DNAH8: variants seen among roughly 807,000 people sequenced by gnomAD.
The protein encoded by DNAH8 is dynein axonemal heavy chain 8.
DNAH8 carries 382 observed loss-of-function variants against 562.1 expected under a neutral mutation model. The ratio of observed to expected loss-of-function variants is 0.68; its 90% confidence interval spans 0.63 to 0.74. The LOEUF (loss-of-function observed/expected upper bound fraction) is 0.74. Ranked by LOEUF, DNAH8 falls within the 30% of genes least tolerant of loss-of-function variation. The pLI is 0.00. For missense variants in DNAH8, 5,203 were observed against 5,620.4 expected (o/e 0.93, Z 2.37); for synonymous variants, 1,881 against 1,919.4 (o/e 0.98, Z 0.52).
rs766087992 is a variant in DNAH8 at position 38,953,113 on chromosome 6, C to T, written c.12451+1593C>T. The T allele has an allele frequency of 2.6e-5, 4 of 152,308 alleles. No individual in the cohort carries two copies. The East Asian group carries it at 7.7e-4, about 29-fold the overall frequency. The allele number at this position is 152,308 out of a possible 1,614,324, so 9.4% of individuals were successfully genotyped here. A position where few individuals can be genotyped will look rare whatever the true frequency, so the allele number is the denominator to read the frequency against. On this transcript the variant is annotated intron_variant, in intron 82 of 92. Coordinates refer to ENST00000327475, the MANE Select transcript of DNAH8 (RefSeq NM_001206927.2). Reference sequence around the variant, plus strand: ...TCATGGGCTTCACTGCTTACGTGCTCAGAATGTTCAGCACCCTCAGGGAAA... The same window carrying T: ...TCATGGGCTTCACTGCTTACGTGCTTAGAATGTTCAGCACCCTCAGGGAAA...
chr6:38,786,107 A>G (rs1769135401), intron 17 of DNAH8, among the ~76,000 whole-genome samples: 1 of 152,256 alleles, frequency 6.6e-6, no homozygotes, highest in African/African-American at 2.4e-5. Flanking sequence ...TAAGCTAACA[A>G]ATAATCTAAG....
intron 86 of DNAH8, among the ~76,000 whole-genome samples, chr6:38,983,341 G>A (rs538646180): frequency 3.3e-5 from 5 of 152,268 alleles, no homozygotes; most frequent in East Asian, 1.9e-4. Flanking sequence ...TGAAGCTTCC[G>A]TAATGGGGTG....
chr6:38,965,534 A>C (rs1762913370), intron 82 of DNAH8, among the ~76,000 whole-genome samples: 1 of 152,256 alleles, frequency 6.6e-6, no homozygotes, highest in Non-Finnish European at 1.5e-5. Flanking sequence ...AATCCAAAAA[A>C]ATAAGAAAAA....
chr6:38,938,986 A>C lies in DNAH8; in HGVS notation c.12005A>C (p.Lys4002Thr). The C allele has an allele frequency of 6.2e-7, 1 of 1,612,516 alleles. No homozygotes were observed. The highest frequency in any genetic ancestry group is 2.2e-5 in the East Asian group (1 of 44,846). The change falls in exon 79 of 93, where the codon AAA becomes ACA. Residue 4002 changes from lysine to threonine, a missense_variant and splice_region_variant. Physicochemically the swap from Lys to Thr is moderately conservative, Grantham distance 78 (BLOSUM62 -1). Around this residue, in one of 6 missense-constraint regions of DNAH8, gnomAD observed 1,399 missense variants for 1,518.4 expected, o/e 0.92. Coordinates refer to ENST00000327475, the MANE Select transcript of DNAH8 (RefSeq NM_001206927.2). ...VKHREFQALI[K>T]GGAALDLKAC... is the part of the protein sequence containing the mutation. ...CACAGAGAGTTTCAAGCTCTCATTAAAGGTAAAGTGTGTGGGATACAGATG... is the reference window on the plus strand; with the variant it reads ...CACAGAGAGTTTCAAGCTCTCATTACAGGTAAAGTGTGTGGGATACAGATG...
chr6:39,019,096 C>T (rs2281347), intron 91 of DNAH8, among the ~76,000 whole-genome samples: 21,544 of 151,902 alleles, frequency 0.14, 1,679 homozygotes, highest in African/African-American at 0.2. Flanking sequence ...TGTTCAAATA[C>T]TGGTGGGAAG....
intron 92 of DNAH8, 119 bp downstream of exon 92, chr6:39,026,786 C>A: frequency 9.1e-7 from 1 of 1,103,154 alleles, no homozygotes; most frequent in Non-Finnish European, 1.3e-6. Context: ...AGTGAGGGTT[C>A]CCTCCATCAT....
chr6:38,882,992 T>TAG lies in DNAH8; in HGVS notation c.7941_7942insAG (p.Pro2648SerfsTer12). 1.9e-6 allele frequency: 3 copies of TAG among 1,606,038 alleles called. No homozygotes were observed. Among genetic ancestry groups the TAG allele is most frequent in the South Asian group, 2.3e-5 (2 of 88,558 alleles). ...TTCCGGAATATTCATCAATTTTGGT[T>TAG]CCAAATGTTGACAATATTAGAACAA... On this transcript the variant is annotated frameshift_variant, in exon 54 of 93. Transcript: ENST00000327475. LOFTEE classifies it high-confidence loss of function.
intron 35 of DNAH8, among the ~76,000 whole-genome samples, chr6:38,845,222 C>T (rs959768619): frequency 2.6e-5 from 4 of 152,198 alleles, no homozygotes; most frequent in African/African-American, 9.7e-5. Flanking sequence ...TGTATATTCT[C>T]ATTTGAATCT....
chr6:38,758,228 C>T (rs28831137), intron 10 of DNAH8, among the ~76,000 whole-genome samples: 17,140 of 151,438 alleles, frequency 0.11, 1,696 homozygotes, highest in East Asian at 0.44. Context: ...TAGTTCTCCT[C>T]GAAGAGGTCC....
chr6:38,818,367 C>G (rs1192636133), intron 26 of DNAH8, among the ~76,000 whole-genome samples: 4 of 151,766 alleles, frequency 2.6e-5, no homozygotes, highest in Non-Finnish European at 5.9e-5. Context: ...TTGGACTTAT[C>G]AACAATCTTG....
chr6:38,788,291 A>G (rs1029980007), intron 18 of DNAH8, among the ~76,000 whole-genome samples: 1 of 152,086 alleles, frequency 6.6e-6, no homozygotes, highest in African/African-American at 2.4e-5. Flanking sequence ...AGCTGGGACT[A>G]CAGGTGTGTG....
chr6:38,743,007 C>CTTTTTTTT lies in DNAH8; in HGVS notation c.1293+1140_1293+1147dup, dbSNP rs11340457. 4.6e-4 allele frequency among the ~76,000 whole-genome samples: 24 copies of CTTTTTTTT among 52,002 alleles called. 1 individual carries two copies. Among genetic ancestry groups the CTTTTTTTT allele is most frequent in the South Asian group, 2.1e-3 (2 of 970 alleles). 34.1% of individuals were successfully genotyped at this position (52,002 alleles called of 152,430 possible). A position where few individuals can be genotyped will look rare whatever the true frequency, so the allele number is the denominator to read the frequency against. On this transcript the variant is annotated intron_variant, in intron 8 of 92. Coordinates refer to ENST00000327475, the MANE Select transcript of DNAH8 (RefSeq NM_001206927.2). Reference sequence around the variant, plus strand: ...TTTCCAAAAAAATGTTGTTGTTGTGCTTTTTTTTTTTTTTTTTTTTTTTTT... The same window carrying CTTTTTTTT: ...TTTCCAAAAAAATGTTGTTGTTGTGCTTTTTTTTTTTTTTTTTTTTTTTTTTTTTTTTT...
chr6:39,012,228 T>G lies in DNAH8; in HGVS notation c.13385T>G (p.Leu4462Trp), dbSNP rs1224542783. The change falls in exon 90 of 93, where the codon TTG (leucine) becomes TGG (tryptophan). Residue 4462 changes from leucine (L) to tryptophan (W), a missense_variant. This residue lies in a region of DNAH8 where 1,399 missense variants were observed against 1,518.4 expected (regional missense o/e 0.92). Transcript: ENST00000327475. The part of the protein sequence containing the change: ...DYIPHEVKSR[L>W]IKMGHLNSMN... ...ACTTTGTTTTAGGTGAAATCTCGTT[T>G]GATAAAGATGGGCCATCTTAATTCA... 1.9e-6 allele frequency: 3 copies of G among 1,604,874 alleles called. No individual in the cohort carries two copies. The highest frequency in any genetic ancestry group is 1.1e-5 in the South Asian group (1 of 90,194).
chr6:38,869,051 G>A (rs528634207), intron 48 of DNAH8, among the ~76,000 whole-genome samples: 2 of 152,290 alleles, frequency 1.3e-5, no homozygotes, highest in South Asian at 2.1e-4. Flanking sequence ...CACATATTGT[G>A]CCCATGCCAT....
In DNAH8 at chr6:38,791,404, C is replaced by G. The variant is rs1022338460; in HGVS notation, c.2782-151C>G. 19 of 951,542 alleles carry G rather than the reference C, an allele frequency of 2.0e-5. No homozygotes were observed. The South Asian group carries it at 3.3e-4, about 16-fold the overall frequency. The allele number at this position is 951,542 out of a possible 1,614,324, so 58.9% of individuals were successfully genotyped here. A position where few individuals can be genotyped will look rare whatever the true frequency, so the allele number is the denominator to read the frequency against. On this transcript the variant is annotated intron_variant, in intron 20 of 92. Transcript: ENST00000327475. Reference sequence around the variant, plus strand: ...GTCAAGCTTTCTTTGCAGATGTCCTCCTAAAATGTTCACCAAATTATGCTT... The same window carrying G: ...GTCAAGCTTTCTTTGCAGATGTCCTGCTAAAATGTTCACCAAATTATGCTT...
chr6:38,794,979 G>A (rs992330047), intron 21 of DNAH8, among the ~76,000 whole-genome samples: 6 of 152,106 alleles, frequency 3.9e-5, no homozygotes, highest in African/African-American at 1.4e-4. Flanking sequence ...TCTTTTTAGA[G>A]TTTGTCTCTG....
rs769531980 is a variant in DNAH8 at position 38,863,885 on chromosome 6, C to A, written c.6323C>A (p.Ser2108Ter). Residue 2108 changes from serine to a stop codon, truncating the protein, a stop_gained, in exon 45 of 93, where the codon TCG becomes TAG. Transcript: ENST00000327475. LOFTEE classifies it high-confidence loss of function. ...LGRIFKGLAQ[S>*]GSWGCFDEFN... ...TTTTTCATGCCAGGTCTTGCACAGT[C>A]GGGTTCCTGGGGCTGTTTTGATGAG... The A allele has an allele frequency of 6.3e-7, 1 of 1,595,238 alleles. No individual in the cohort carries two copies. The highest frequency in any genetic ancestry group is 8.5e-7 in the Non-Finnish European group (1 of 1,175,440).
At chr6:38,774,187 G>C (rs1177236191) in intron 12 of DNAH8, among the ~76,000 whole-genome samples, 3 of 152,158 alleles carry the variant, frequency 2.0e-5, no homozygotes, top group African/African-American at 7.2e-5. Flanking sequence ...TCTATCTTCA[G>C]TTTTGTTTTC....
intron 69 of DNAH8, 91 bp downstream of exon 69, chr6:38,917,497 A>G: frequency 1.9e-6 from 2 of 1,027,684 alleles, no homozygotes; most frequent in South Asian, 1.7e-5. Flanking sequence ...ACTGGCAGAC[A>G]ATAATTGATC....
Sources: gnomAD v4.1 joint callset for allele counts (sites outside exome capture counted in the v4.1 genomes callset) on GRCh38, gnomAD v4.1.1 for gene constraint, gnomAD v4.1.1 regional missense constraint, MANE v1.5 for transcripts, NCBI Gene and HGNC (gene_info 2026-07-23, HGNC 2026-07-21) for gene names.